The following GPC6 variants were observed in gnomAD, a reference collection of about 807,000 sequenced individuals.
GPC6 encodes the protein glypican 6.
In GPC6, 14 loss-of-function variants were observed where a neutral mutation model predicts 55.2. That is an observed-to-expected ratio of 0.25 (90% CI 0.17 to 0.40). The LOEUF is 0.40. GPC6 is among the 10% of genes least tolerant of loss of function. GPC6 has a pLI of 1.00. For synonymous variants in GPC6, 278 were observed against 259.6 expected (o/e 1.07, Z -0.68); for missense variants, 641 against 708.5 (o/e 0.90, Z 1.08).
chr13:94,057,056 G>C (rs1381213512), intron 4 of GPC6, among the ~76,000 whole-genome samples: 1 of 152,148 alleles, frequency 6.6e-6, no homozygotes, highest in African/African-American at 2.4e-5. Context: ...TGAGTTGTAA[G>C]GGTTTTTTAA....
At chr13:93,445,287 T>C (rs1271203233) in intron 1 of GPC6, among the ~76,000 whole-genome samples, 1 of 152,208 alleles carries the variant, frequency 6.6e-6, no homozygotes, top group African/African-American at 2.4e-5. Flanking sequence ...AGTAGTTATC[T>C]GAGTGCATGT....
chr13:93,859,910 A>C (rs992175844), intron 3 of GPC6, among the ~76,000 whole-genome samples: 59 of 151,836 alleles, frequency 3.9e-4, no homozygotes, highest in African/African-American at 1.3e-3. Context: ...AAGTCCCCTT[A>C]ACATGGCCAC....
chr13:94,366,113 C>T (rs1460317155), intron 6 of GPC6, among the ~76,000 whole-genome samples: 1 of 152,158 alleles, frequency 6.6e-6, no homozygotes, highest in Non-Finnish European at 1.5e-5. Context: ...GTATGCCAAT[C>T]ACAGGTAGAA....
intron 1 of GPC6, among the ~76,000 whole-genome samples, chr13:93,415,052 AT>A (rs1238237405): frequency 6.6e-6 from 1 of 152,164 alleles, no homozygotes; most frequent in Non-Finnish European, 1.5e-5. Flanking sequence ...ATTGGTAAGA[AT>A]TTGGAGACAA....
At chr13:93,637,856 A>T (rs1237518665) in intron 2 of GPC6, among the ~76,000 whole-genome samples, 1 of 152,150 alleles carries the variant, frequency 6.6e-6, no homozygotes, top group African/African-American at 2.4e-5. Context: ...AAGAAATAGA[A>T]TAATATTCAG....
At position 93,507,389 on chromosome 13, in the gene GPC6, C is replaced by T. The variant is rs572482379; in HGVS notation, c.161-37874C>T. Among the ~76,000 whole-genome samples the T allele has an allele frequency of 2.0e-5, 3 of 152,268 alleles. No homozygotes were observed. The South Asian group carries it at 6.2e-4, about 32-fold the overall frequency. The stretch of plus-strand genomic sequence containing the variant: ...CAGAGCTTAGATACCATCAACTCTT[C>T]AAATCTTTTAATCAACGAAGATGCA... On this transcript the variant is annotated intron_variant, in intron 1 of 8. Transcript: ENST00000377047.
intron 1 of GPC6, among the ~76,000 whole-genome samples, chr13:93,485,972 C>A (rs1378683477): frequency 6.6e-6 from 1 of 151,990 alleles, no homozygotes; most frequent in East Asian, 1.9e-4. Flanking sequence ...GAGAAAATGA[C>A]TAACTATGGA....
At chr13:94,325,519 T>C (rs1031819881) in intron 6 of GPC6, among the ~76,000 whole-genome samples, 2 of 152,188 alleles carry the variant, frequency 1.3e-5, no homozygotes, top group African/African-American at 4.8e-5. Flanking sequence ...TATATACTAA[T>C]AGTATAATAT....
chr13:93,284,396 A>T (rs1878044623), intron 1 of GPC6, among the ~76,000 whole-genome samples: 1 of 152,222 alleles, frequency 6.6e-6, no homozygotes, highest in Admixed American at 6.5e-5. Flanking sequence ...GCTTTGTCTG[A>T]GCTACAGAGA....
At chr13:93,269,813 A>C (rs535541355) in intron 1 of GPC6, among the ~76,000 whole-genome samples, 1 of 146,826 alleles carries the variant, frequency 6.8e-6, no homozygotes, top group East Asian at 2.0e-4. Flanking sequence ...GGAGGCGTGA[A>C]CCTGGGAGGC....
At chr13:93,429,524 T>C (rs1877277228) in intron 1 of GPC6, among the ~76,000 whole-genome samples, 1 of 152,144 alleles carries the variant, frequency 6.6e-6, no homozygotes, top group Admixed American at 6.6e-5. Context: ...TTCCCTTTGC[T>C]TCTCATGTCT....
chr13:94,312,290 T>A (rs188445554), intron 6 of GPC6, among the ~76,000 whole-genome samples: 32 of 152,350 alleles, frequency 2.1e-4, no homozygotes, highest in Admixed American at 1.8e-3. Context: ...CATACATATT[T>A]AAGTACTTAC....
chr13:94,225,953 A>G (rs542372881), intron 4 of GPC6, among the ~76,000 whole-genome samples: 1 of 152,138 alleles, frequency 6.6e-6, no homozygotes, highest in African/African-American at 2.4e-5. Flanking sequence ...TGAATTCATA[A>G]TGTTCTGATT....
At chr13:94,136,304 G>T (rs1887182880) in intron 4 of GPC6, among the ~76,000 whole-genome samples, 1 of 151,890 alleles carries the variant, frequency 6.6e-6, no homozygotes, top group South Asian at 2.1e-4. Context: ...TGGGGGAGCT[G>T]CAAGCAGTTC....
intron 2 of GPC6, among the ~76,000 whole-genome samples, chr13:93,617,556 C>T (rs2209874): frequency 0.28 from 43,110 of 151,936 alleles, 7,086 homozygotes; most frequent in Non-Finnish European, 0.37. Flanking sequence ...CTCGGACACA[C>T]ATACATGAAA....
intron 4 of GPC6, among the ~76,000 whole-genome samples, chr13:94,275,937 A>G (rs1187391060): frequency 6.6e-6 from 1 of 152,222 alleles, no homozygotes; most frequent in African/African-American, 2.4e-5. Flanking sequence ...TAACATATCA[A>G]CGTTTGAGAC....
intron 1 of GPC6, among the ~76,000 whole-genome samples, chr13:93,393,121 TATATATAGAG>T (rs749504164): frequency 2.2e-3 from 172 of 79,906 alleles, no homozygotes; most frequent in African/African-American, 4.7e-3. Flanking sequence ...TATATATATA[TATATATAGAG>T]AGAGAGAGAG....
At chr13:93,897,414 A>G (rs1400702232) in intron 3 of GPC6, among the ~76,000 whole-genome samples, 1 of 152,092 alleles carries the variant, frequency 6.6e-6, no homozygotes, top group African/African-American at 2.4e-5. Context: ...TGATTATGTG[A>G]ATGTATCAAA....
At chr13:93,626,396 T>C (rs992602820) in intron 2 of GPC6, among the ~76,000 whole-genome samples, 1 of 152,222 alleles carries the variant, frequency 6.6e-6, no homozygotes. Flanking sequence ...ATCTTCCAGA[T>C]TCCTCAGTTT....
Sources: gnomAD v4.1 joint callset for allele counts (sites outside exome capture counted in the v4.1 genomes callset) on GRCh38, gnomAD v4.1.1 for gene constraint, MANE v1.5 for transcripts, NCBI Gene and HGNC (gene_info 2026-07-23, HGNC 2026-07-21) for gene names.